Variants in CNTN5 observed in about 807,000 individuals in gnomAD.
The protein encoded by CNTN5 is contactin 5.
Under a neutral mutation model 129.1 loss-of-function variants are expected in CNTN5, and 77 were observed. The observed-to-expected ratio is 0.60, with a 90% CI of 0.50 to 0.72. The LOEUF is 0.72. Ranked by LOEUF, CNTN5 falls within the 30% of genes least tolerant of loss-of-function variation. CNTN5 has a pLI of 0.00. For synonymous variants in CNTN5, 509 were observed against 465.6 expected (o/e 1.09, Z -1.20); for missense variants, 1,478 against 1,328.8 (o/e 1.11, Z -1.75).
intron 7 of CNTN5, among the ~76,000 whole-genome samples, chr11:99,919,027 A>G (rs1410187763): frequency 6.6e-6 from 1 of 152,180 alleles, no homozygotes; most frequent in Non-Finnish European, 1.5e-5. Context: ...TGGAGGCAGG[A>G]CACAGTAGCA....
chr11:99,448,187 A>G (rs1310300358), intron 2 of CNTN5, among the ~76,000 whole-genome samples: 3 of 152,196 alleles, frequency 2.0e-5, no homozygotes, highest in African/African-American at 7.2e-5. Context: ...TTCAAAAGTC[A>G]TCCATTGTTG....
chr11:100,147,503 G>A (rs1014322590), intron 13 of CNTN5, among the ~76,000 whole-genome samples: 10 of 151,938 alleles, frequency 6.6e-5, no homozygotes, highest in Non-Finnish European at 1.2e-4. Context: ...TGAATCATTC[G>A]AACCTGCAAC....
intron 2 of CNTN5, among the ~76,000 whole-genome samples, chr11:99,410,757 G>A (rs941892774): frequency 3.3e-5 from 5 of 152,154 alleles, no homozygotes; most frequent in East Asian, 1.9e-4. Flanking sequence ...GGTTTTGTGC[G>A]TACATATGGC....
At chr11:99,092,700 G>T (rs113501027) in intron 1 of CNTN5, among the ~76,000 whole-genome samples, 1 of 151,976 alleles carries the variant, frequency 6.6e-6, no homozygotes, top group African/African-American at 2.4e-5. Context: ...AATGGTAAAA[G>T]TTGTGTATGT....
intron 3 of CNTN5, among the ~76,000 whole-genome samples, chr11:99,643,158 A>G (rs753934740): frequency 6.6e-6 from 1 of 152,192 alleles, no homozygotes; most frequent in Non-Finnish European, 1.5e-5. Flanking sequence ...AAATACTCCT[A>G]TGGGAGTATT....
intron 13 of CNTN5, among the ~76,000 whole-genome samples, chr11:100,165,318 T>A (rs61262242): frequency 0.028 from 4,238 of 151,846 alleles, 195 homozygotes; most frequent in African/African-American, 0.096. Context: ...AGATCCTGTG[T>A]AACTTGGCCC....
At chr11:99,844,770 ATAAG>A in intron 4 of CNTN5, 78 bp from the exon 5 acceptor site, 3 of 1,354,352 alleles carry the variant, frequency 2.2e-6, no homozygotes, top group Non-Finnish European at 2.0e-6. Flanking sequence ...AATTTTGAAT[ATAAG>A]TAAGATGGAA....
intron 10 of CNTN5, among the ~76,000 whole-genome samples, chr11:100,062,321 T>C (rs1339198668): frequency 6.6e-6 from 1 of 152,202 alleles, no homozygotes; most frequent in Non-Finnish European, 1.5e-5. Flanking sequence ...CTTAATGCCC[T>C]TTACAGGAAC....
chr11:99,349,202 G>T (rs78949431), intron 2 of CNTN5, among the ~76,000 whole-genome samples: 1 of 152,126 alleles, frequency 6.6e-6, no homozygotes, highest in South Asian at 2.1e-4. Context: ...GTCTGAAAGG[G>T]CAATATTACA....
At chr11:99,784,795 GTT>G (rs55715264) in intron 3 of CNTN5, among the ~76,000 whole-genome samples, 4,114 of 93,678 alleles carry the variant, frequency 0.044, 169 homozygotes, top group African/African-American at 0.12. Context: ...ATCTCATTGT[GTT>G]TTTTTTTTTT....
intron 1 of CNTN5, among the ~76,000 whole-genome samples, chr11:99,303,125 G>A (rs1226517901): frequency 1.3e-5 from 2 of 151,636 alleles, no homozygotes; most frequent in Non-Finnish European, 3.0e-5. Context: ...TGCATCCAGT[G>A]CATGTGTATT....
At chr11:99,610,244 T>A (rs1452899775) in intron 3 of CNTN5, among the ~76,000 whole-genome samples, 2 of 152,120 alleles carry the variant, frequency 1.3e-5, no homozygotes, top group East Asian at 3.8e-4. Context: ...CTGTAGGGGT[T>A]CTATTAATGG....
chr11:99,860,778 G>A (rs1948178537), intron 6 of CNTN5, among the ~76,000 whole-genome samples: 1 of 151,820 alleles, frequency 6.6e-6, no homozygotes, highest in Non-Finnish European at 1.5e-5. Flanking sequence ...TCGGCTATTT[G>A]AATGTTTTTC....
At chr11:99,222,948 G>A (rs1359828598) in intron 1 of CNTN5, among the ~76,000 whole-genome samples, 2 of 152,072 alleles carry the variant, frequency 1.3e-5, no homozygotes, top group Non-Finnish European at 2.9e-5. Context: ...CTTGGTCAAC[G>A]TACACTTTCC....
chr11:99,283,141 C>G (rs1400589330), intron 1 of CNTN5, among the ~76,000 whole-genome samples: 3 of 152,010 alleles, frequency 2.0e-5, no homozygotes, highest in Non-Finnish European at 4.4e-5. Flanking sequence ...CCAGAACCAC[C>G]TTCTCTGAGT....
At chr11:100,009,795 A>G (rs952813050) in intron 9 of CNTN5, among the ~76,000 whole-genome samples, 3 of 152,174 alleles carry the variant, frequency 2.0e-5, no homozygotes, top group Non-Finnish European at 4.4e-5. Context: ...ATTGGAAACG[A>G]AAATTTAAAT....
At chr11:99,945,489 CGTGTGTGTGTGTGTGT>C (rs3990615) in intron 7 of CNTN5, among the ~76,000 whole-genome samples, 1 of 148,892 alleles carries the variant, frequency 6.7e-6, no homozygotes, top group Non-Finnish European at 1.5e-5. Context: ...AACCTCTGTG[CGTGTGTGTGTGTGTGT>C]GTGTGTGTGT....
intron 4 of CNTN5, among the ~76,000 whole-genome samples, chr11:99,838,026 A>G (rs1947360754): frequency 6.6e-6 from 1 of 152,156 alleles, no homozygotes. Context: ...TATAAGTTAA[A>G]TAGTTATATT....
intron 15 of CNTN5, among the ~76,000 whole-genome samples, chr11:100,221,969 C>T (rs1949275098): frequency 6.6e-6 from 1 of 152,156 alleles, no homozygotes; most frequent in Admixed American, 6.5e-5. Flanking sequence ...GGTTCTCTCT[C>T]AGGAACTGCA....
Sources: gnomAD v4.1 joint callset for allele counts (sites outside exome capture counted in the v4.1 genomes callset) on GRCh38, gnomAD v4.1.1 for gene constraint, MANE v1.5 for transcripts, NCBI Gene and HGNC (gene_info 2026-07-23, HGNC 2026-07-21) for gene names.